The following WBP1 variants were observed in gnomAD, a reference collection of about 807,000 sequenced individuals.
WBP1 encodes the protein WW domain-binding protein 1.
In WBP1, 18 loss-of-function variants were observed where a neutral mutation model predicts 25.6. That is an observed-to-expected ratio of 0.70 (90% CI 0.49 to 1.04). WBP1 has a LOEUF of 1.04. WBP1 is among the 50% of genes least tolerant of loss of function. The probability of loss-of-function intolerance (pLI) is 0.00; values close to 1 mark genes in which losing one functional copy is unlikely to be tolerated. For missense variants in WBP1, 330 were observed against 352.9 expected (o/e 0.94, Z 0.52); for synonymous variants, 122 against 137.7 (o/e 0.89, Z 0.80).
In WBP1 at chr2:74,460,347, C is replaced by T. The variant is rs1158186104; in HGVS notation, c.476C>T (p.Ser159Phe). 6.2e-7 allele frequency: 1 copy of T among 1,614,002 alleles called. No individual in the cohort carries two copies. Among genetic ancestry groups the T allele is most frequent in the East Asian group, 2.2e-5 (1 of 44,848 alleles). Residue 159 changes from serine to phenylalanine, a missense_variant, in exon 4 of 4, where the codon TCC becomes TTC. Coordinates refer to ENST00000233615, the MANE Select transcript of WBP1 (RefSeq NM_012477.4). ...LTASSEQTCC[S>F]SSSSCPAHFE... ...GCTTCCAGTGAACAAACCTGCTGTT[C>T]CTCCTCATCCAGCTGCCCTGCCCAC...
At position 74,459,760 on chromosome 2, in the gene WBP1, G is replaced by C. The variant is rs756985690; in HGVS notation, c.172+15G>C. 6.2e-7 allele frequency: 1 copy of C among 1,614,164 alleles called. No individual in the cohort carries two copies. The highest frequency in any genetic ancestry group is 1.1e-5 in the South Asian group (1 of 91,082). On this transcript the variant is annotated intron_variant, in intron 2 of 3. Transcript: ENST00000233615. ...TGAGCTCTGGTGTAAGTCTCCAAGA[G>C]GGCTATTTCCAGGTCCCTGTGTCCA...
intron 1 of WBP1, chr2:74,458,988 T>C: frequency 6.4e-7 from 1 of 1,550,578 alleles, no homozygotes; most frequent in Non-Finnish European, 8.7e-7. Flanking sequence ...GTGCCTATTG[T>C]CACAACAGAG....
At chr2:74,459,194 G>A (rs779648114) in intron 1 of WBP1, 79 of 1,492,734 alleles carry the variant, frequency 5.3e-5, no homozygotes, top group Non-Finnish European at 6.9e-5. Context: ...GTGGGGGGTA[G>A]TGAACCGCGC....
intron 1 of WBP1, 176 bp downstream of exon 1, chr2:74,458,847 C>T: frequency 6.5e-7 from 1 of 1,544,818 alleles, no homozygotes; most frequent in Non-Finnish European, 8.8e-7. Flanking sequence ...GCTGACTTTG[C>T]CTGTAGCCTC....
rs1251713327 is a variant in WBP1, at chr2:74,460,657, T to C, written c.786T>C (p.Ser262=). ...CGCAGATCTTTCCCATGGGGCTGTCTTCCAGTGAAGGGGACATCCCATAAG... is the reference window on the plus strand; with the variant it reads ...CGCAGATCTTTCCCATGGGGCTGTCCTCCAGTGAAGGGGACATCCCATAAG... The part of the protein sequence containing the change: ...SVPQIFPMGL[S]SSEGDIP The change falls in exon 4 of 4, where the codon TCT becomes TCC. Residue 262 remains serine (S), a synonymous_variant. Transcript: ENST00000233615. The C allele has an allele frequency of 4.4e-6, 7 of 1,579,644 alleles. No homozygotes were observed. The African/African-American group carries it at 9.4e-5, about 21-fold the overall frequency.
At position 74,459,945 on chromosome 2, in the gene WBP1, T is replaced by G. The variant is rs772941341; in HGVS notation, c.245T>G (p.Leu82Arg). 6.2e-7 allele frequency: 1 copy of G among 1,614,076 alleles called. No homozygotes were observed. The highest frequency in any genetic ancestry group is 1.3e-5 in the African/African-American group (1 of 74,924). Reference sequence around the variant, plus strand: ...GCCTTCCGCCACCGACGAGCTAAACTCAGGCTGCAACAACAGCAGCGGCAG... The same window carrying G: ...GCCTTCCGCCACCGACGAGCTAAACGCAGGCTGCAACAACAGCAGCGGCAG... ...CCAFRHRRAK[L>R]RLQQQQRQRE... Residue 82 changes from leucine to arginine, a missense_variant, in exon 3 of 4, where the codon CTC (leucine) becomes CGC (arginine). By Grantham distance (102) the Leu-to-Arg change is moderately radical. Coordinates refer to ENST00000233615, the MANE Select transcript of WBP1 (RefSeq NM_012477.4).
chr2:74,459,946 C>T lies in WBP1; in HGVS notation c.246C>T (p.Leu82=). Reference sequence around the variant, plus strand: ...CCTTCCGCCACCGACGAGCTAAACTCAGGCTGCAACAACAGCAGCGGCAGC... The same window carrying T: ...CCTTCCGCCACCGACGAGCTAAACTTAGGCTGCAACAACAGCAGCGGCAGC... ...CCAFRHRRAK[L]RLQQQQRQRE... The change falls in exon 3 of 4, where the codon CTC becomes CTT. Residue 82 remains leucine, a synonymous_variant. Coordinates refer to ENST00000233615, the MANE Select transcript of WBP1 (RefSeq NM_012477.4). 1 of 1,614,182 alleles carries T rather than the reference C, an allele frequency of 6.2e-7. No individual in the cohort carries two copies. The highest frequency in any genetic ancestry group is 8.5e-7 in the Non-Finnish European group (1 of 1,180,024).
chr2:74,458,994 CAG>C, intron 1 of WBP1: 1 of 1,550,606 alleles, frequency 6.4e-7, no homozygotes. Context: ...ATTGTCACAA[CAG>C]AGTCCGGCAG....
chr2:74,459,818 G>C lies in WBP1; in HGVS notation c.173-55G>C, dbSNP rs1671840271. The C allele has an allele frequency of 1.9e-6, 3 of 1,613,114 alleles. No homozygotes were observed. In the Admixed American group the frequency reaches 5.0e-5, roughly 27 times the overall value. On this transcript the variant is annotated intron_variant, in intron 2 of 3. Transcript: ENST00000233615. ...TTGGACCTCAGAATTTCGGCCTTCA[G>C]GGCCCCTTCTCTGCATGAAAGATGC...
In WBP1 at chr2:74,458,649, C is replaced by T. The variant is rs760204745; in HGVS notation, c.47C>T (p.Ala16Val). Reference protein sequence around the residue: ...SGNGSEEAWGALRAPQQQLRE... With the variant: ...SGNGSEEAWGVLRAPQQQLRE... ...AACGGCAGCGAGGAGGCCTGGGGGG[C>T]ACTTCGGGCGCCGCAACAGCAGGTA... Residue 16 changes from alanine (A) to valine (V), a missense_variant, in exon 1 of 4, where the codon GCA (alanine) becomes GTA (valine). Ala to Val is a moderately conservative substitution (Grantham distance 64, BLOSUM62 0). Transcript: ENST00000233615. The T allele has an allele frequency of 1.3e-4, 205 of 1,571,454 alleles. No homozygotes were observed. Among genetic ancestry groups the T allele is most frequent in the Middle Eastern group, 3.4e-4 (2 of 5,970 alleles).
At position 74,460,415 on chromosome 2, in the gene WBP1, G is replaced by C; in HGVS notation, c.544G>C (p.Ala182Pro). The C allele has an allele frequency of 1.9e-6, 3 of 1,612,394 alleles. No homozygotes were observed. The highest frequency in any genetic ancestry group is 2.5e-6 in the Non-Finnish European group (3 of 1,179,508). Residue 182 changes from alanine to proline, a missense_variant, in exon 4 of 4, where the codon GCC (alanine) becomes CCC (proline). Ala to Pro is a conservative substitution (Grantham distance 27). Coordinates refer to ENST00000233615, the MANE Select transcript of WBP1 (RefSeq NM_012477.4). ...NVEGVSSHQS[A>P]PPHQEGEPGA... ...GGAAGGTGTTTCCTCCCACCAGAGT[G>C]CCCCCCCTCATCAGGAGGGTGAGCC...
rs1393202438 is a variant in WBP1, at chr2:74,460,842, T to TA, written c.*162dup. The TA allele has an allele frequency of 6.0e-6, 4 of 665,470 alleles. No homozygotes were observed. The highest frequency in any genetic ancestry group is 1.0e-5 in the Non-Finnish European group (4 of 388,000). The allele number at this position is 665,470 out of a possible 1,614,324, so 41.2% of individuals were successfully genotyped here. On this transcript the variant is annotated 3_prime_UTR_variant, in exon 4 of 4. Transcript: ENST00000233615. Reference sequence around the variant, plus strand: ...GTGCTAGCTTTACCCCCGCAGGACATACACAGGAGCCTTTGATCTCATTAA... The same window carrying TA: ...GTGCTAGCTTTACCCCCGCAGGACATAACACAGGAGCCTTTGATCTCATTAA...
chr2:74,459,758 G>A lies in WBP1; in HGVS notation c.172+13G>A, dbSNP rs751264132. On this transcript the variant is annotated intron_variant, in intron 2 of 3. Coordinates refer to ENST00000233615, the MANE Select transcript of WBP1 (RefSeq NM_012477.4). ...TATGAGCTCTGGTGTAAGTCTCCAA[G>A]AGGGCTATTTCCAGGTCCCTGTGTC... 3 of 1,614,170 alleles carry A rather than the reference G, an allele frequency of 1.9e-6. No individual in the cohort carries two copies. Among genetic ancestry groups the A allele is most frequent in the South Asian group, 2.2e-5 (2 of 91,078 alleles).
At position 74,458,878 on chromosome 2, in the gene WBP1, G is replaced by T. The variant is rs946859875; in HGVS notation, c.69+207G>T. On this transcript the variant is annotated intron_variant, in intron 1 of 3. Coordinates refer to ENST00000233615, the MANE Select transcript of WBP1 (RefSeq NM_012477.4). Reference sequence around the variant, plus strand: ...GCCTCATAGAACCCATCCCATGGCTGCAGTGGAAGCTTGCGGTGGCTCTCC... The same window carrying T: ...GCCTCATAGAACCCATCCCATGGCTTCAGTGGAAGCTTGCGGTGGCTCTCC... 5.8e-6 allele frequency: 9 copies of T among 1,550,640 alleles called. No individual in the cohort carries two copies. In the African/African-American group the frequency reaches 9.6e-5, roughly 17 times the overall value.
intron 3 of WBP1, 40 bp downstream of exon 3, chr2:74,460,089 TC>T: frequency 6.2e-7 from 1 of 1,602,082 alleles, no homozygotes; most frequent in Non-Finnish European, 8.5e-7. Flanking sequence ...CCAGTGGCCC[TC>T]CCCAAACCAG....
At chr2:74,459,188 G>C (rs755931547) in intron 1 of WBP1, 12 of 1,506,406 alleles carry the variant, frequency 8.0e-6, no homozygotes, top group African/African-American at 6.9e-5. Flanking sequence ...TTGCGGGTGG[G>C]GGGTAGTGAA....
In WBP1 at chr2:74,460,062, A is replaced by T. The variant is rs757550558; in HGVS notation, c.349+13A>T. On this transcript the variant is annotated intron_variant, in intron 3 of 3. Coordinates refer to ENST00000233615, the MANE Select transcript of WBP1 (RefSeq NM_012477.4). ...CTGCTTGACCTTCGTGAGTGACTTG[A>T]TGCCCTGGGTCAGCTACCAGTGGCC... The T allele has an allele frequency of 7.5e-6, 12 of 1,609,492 alleles. No individual in the cohort carries two copies. Among genetic ancestry groups the T allele is most frequent in the Non-Finnish European group, 1.0e-5 (12 of 1,176,126 alleles).
chr2:74,458,902 C>A, intron 1 of WBP1: 6 of 1,550,902 alleles, frequency 3.9e-6, no homozygotes, highest in Non-Finnish European at 5.2e-6. Context: ...CGGTGGCTCT[C>A]CAGTGACCAG....
chr2:74,458,940 C>T (rs1480751095), intron 1 of WBP1: 34 of 1,550,856 alleles, frequency 2.2e-5, no homozygotes, highest in Non-Finnish European at 3.0e-5. Flanking sequence ...AGGGAGGCTC[C>T]CTCTGTCTTG....
Sources: allele counts gnomAD v4.1 joint callset, GRCh38; gene constraint gnomAD v4.1.1; transcripts MANE v1.5; gene names NCBI Gene and HGNC (gene_info 2026-07-23, HGNC 2026-07-21).